Variants in PPARGC1A observed in about 807,000 individuals in gnomAD.
The protein encoded by PPARGC1A is PPARG coactivator 1 alpha, also known as peroxisome proliferator-activated receptor gamma coactivator 1-alpha.
PPARGC1A carries 25 observed loss-of-function variants against 88.7 expected under a neutral mutation model. That is an observed-to-expected ratio of 0.28 (90% CI 0.21 to 0.39). The LOEUF (loss-of-function observed/expected upper bound fraction) is 0.39. PPARGC1A is among the 10% of genes least tolerant of loss of function. The probability of loss-of-function intolerance (pLI) is 1.00; values close to 1 mark genes in which losing one functional copy is unlikely to be tolerated. For missense variants in PPARGC1A, 880 were observed against 968.7 expected (o/e 0.91, Z 1.22); for synonymous variants, 363 against 355.6 (o/e 1.02, Z -0.24).
At chr4:24,262,812 G>A in the PPARGC1A span, among the ~76,000 whole-genome samples, 12 of 152,122 alleles carry the variant, frequency 7.9e-5, no homozygotes, top group East Asian at 1.9e-3. Flanking sequence ...AGAGATTTGT[G>A]CTGGGCAAGC....
intron 2 of PPARGC1A, among the ~76,000 whole-genome samples, chr4:23,871,963 C>T (rs183810313): frequency 2.6e-5 from 4 of 152,064 alleles, no homozygotes; most frequent in Non-Finnish European, 5.9e-5. Flanking sequence ...GGAAAGGGAT[C>T]GGTAGCATTC....
chr4:24,468,066 C>G, the PPARGC1A span, among the ~76,000 whole-genome samples: 1 of 152,146 alleles, frequency 6.6e-6, no homozygotes, highest in Non-Finnish European at 1.5e-5. Flanking sequence ...TTTTCACTTT[C>G]AATTGATTGA....
chr4:24,085,144 C>T, the PPARGC1A span, among the ~76,000 whole-genome samples: 217 of 152,074 alleles, frequency 1.4e-3, 1 homozygote, highest in African/African-American at 5.2e-3. Flanking sequence ...TCCCTGAGAA[C>T]AGGAAACAAC....
chr4:24,021,093 T>C, the PPARGC1A span, among the ~76,000 whole-genome samples: 1 of 152,222 alleles, frequency 6.6e-6, no homozygotes, highest in East Asian at 1.9e-4. Context: ...CAAAATGTGT[T>C]GGCCTTGAAG....
chr4:23,859,991 G>A (rs1456581235), intron 2 of PPARGC1A, among the ~76,000 whole-genome samples: 1 of 152,098 alleles, frequency 6.6e-6, no homozygotes, highest in African/African-American at 2.4e-5. Context: ...TGAGTAGAAG[G>A]TGGGGCATAG....
At chr4:24,324,694 T>A in the PPARGC1A span, among the ~76,000 whole-genome samples, 1 of 152,162 alleles carries the variant, frequency 6.6e-6, no homozygotes, top group Non-Finnish European at 1.5e-5. Flanking sequence ...ATAATTCTTG[T>A]CGTAAAATGG....
chr4:24,322,899 G>A, the PPARGC1A span, among the ~76,000 whole-genome samples: 3 of 152,136 alleles, frequency 2.0e-5, no homozygotes, highest in Non-Finnish European at 4.4e-5. Context: ...ACAATATTTT[G>A]AATAGCAACT....
the PPARGC1A span, among the ~76,000 whole-genome samples, chr4:24,177,912 T>C: frequency 1.3e-5 from 2 of 152,198 alleles, no homozygotes; most frequent in East Asian, 1.9e-4. Flanking sequence ...ATTATGCAGA[T>C]TCTGTTTCTG....
the PPARGC1A span, among the ~76,000 whole-genome samples, chr4:24,073,599 GATGGTGACA>G: frequency 1.4e-4 from 21 of 152,198 alleles, no homozygotes. Context: ...ATAGCGAGAT[GATGGTGACA>G]ATGATGACAA....
At chr4:24,425,144 A>G in the PPARGC1A span, among the ~76,000 whole-genome samples, 1 of 152,224 alleles carries the variant, frequency 6.6e-6, no homozygotes, top group Non-Finnish European at 1.5e-5. Context: ...TTGGCAAAGA[A>G]TCACATGGAA....
At chr4:24,053,066 T>C in the PPARGC1A span, among the ~76,000 whole-genome samples, 1 of 148,520 alleles carries the variant, frequency 6.7e-6, no homozygotes, top group African/African-American at 2.5e-5. Flanking sequence ...AGAGACAGGG[T>C]TTTACCGTGT....
At chr4:24,339,323 C>G in the PPARGC1A span, among the ~76,000 whole-genome samples, 3 of 151,176 alleles carry the variant, frequency 2.0e-5, no homozygotes, top group Admixed American at 6.6e-5. Context: ...CAGTTCAGTA[C>G]TCTTTGCATG....
At chr4:24,033,076 G>A in the PPARGC1A span, among the ~76,000 whole-genome samples, 4 of 152,144 alleles carry the variant, frequency 2.6e-5, no homozygotes, top group Admixed American at 2.6e-4. Flanking sequence ...GGTCCAAAGT[G>A]AATATACACA....
the PPARGC1A span, among the ~76,000 whole-genome samples, chr4:24,106,022 G>C: frequency 6.6e-6 from 1 of 152,158 alleles, no homozygotes; most frequent in African/African-American, 2.4e-5. Flanking sequence ...ATTATGCTAC[G>C]CAGTTGAAAA....
chr4:24,092,324 C>T, the PPARGC1A span, among the ~76,000 whole-genome samples: 1 of 152,142 alleles, frequency 6.6e-6, no homozygotes, highest in South Asian at 2.1e-4. Flanking sequence ...AACTCAAACC[C>T]AGTCAATGCT....
the PPARGC1A span, among the ~76,000 whole-genome samples, chr4:23,992,262 CA>C: frequency 3.9e-4 from 16 of 40,816 alleles, no homozygotes; most frequent in African/African-American, 1.1e-3. Flanking sequence ...TGATTATTAT[CA>C]GATAATATTA....
At chr4:23,982,271 C>G in the PPARGC1A span, among the ~76,000 whole-genome samples, 1 of 152,292 alleles carries the variant, frequency 6.6e-6, no homozygotes, top group African/African-American at 2.4e-5. Flanking sequence ...AAATAACAAT[C>G]AGTCCTAGGC....
chr4:24,043,668 T>G, the PPARGC1A span, among the ~76,000 whole-genome samples: 2 of 152,176 alleles, frequency 1.3e-5, no homozygotes, highest in Non-Finnish European at 2.9e-5. Flanking sequence ...TGGTAATAGT[T>G]TATCTATTTG....
chr4:24,196,652 G>A, the PPARGC1A span, among the ~76,000 whole-genome samples: 1 of 152,162 alleles, frequency 6.6e-6, no homozygotes, highest in Non-Finnish European at 1.5e-5. Context: ...GCCAGGTGGA[G>A]GTTAAGCATT....
Sources: allele counts gnomAD v4.1 joint callset (sites outside exome capture counted in the v4.1 genomes callset), GRCh38; gene constraint gnomAD v4.1.1; transcripts MANE v1.5; gene names NCBI Gene and HGNC (gene_info 2026-07-23, HGNC 2026-07-21).